COPA: variants seen among roughly 807,000 people sequenced by gnomAD.
COPA encodes coatomer subunit alpha.
Under a neutral mutation model 158.7 loss-of-function variants are expected in COPA, and 10 were observed. The ratio of observed to expected loss-of-function variants is 0.06; its 90% CI spans 0.04 to 0.11. COPA has a LOEUF of 0.11. COPA is among the 10% of genes least tolerant of loss of function. COPA has a pLI of 1.00. For synonymous variants in COPA, 462 were observed against 542.8 expected (o/e 0.85, Z 2.07); for missense variants, 1,065 against 1,536.7 (o/e 0.69, Z 5.13).
At chr1:160,298,463 C>T (rs1046276345) in intron 19 of COPA, among the ~76,000 whole-genome samples, 38 of 152,300 alleles carry the variant, frequency 2.5e-4, no homozygotes, top group East Asian at 5.8e-4. Flanking sequence ...AAGCTCTTTT[C>T]GCCTTAGAAA....
At chr1:160,291,562 T>G (rs934791522) in intron 30 of COPA, 66 bp from the exon 31 acceptor site, 9 of 1,547,218 alleles carry the variant, frequency 5.8e-6, no homozygotes, top group Non-Finnish European at 7.9e-6. Context: ...ATTTCTAAGC[T>G]GCTACACATG....
At chr1:160,297,176 C>T (rs1658443193) in intron 21 of COPA, among the ~76,000 whole-genome samples, 167 bp downstream of exon 21, 1 of 152,146 alleles carries the variant, frequency 6.6e-6, no homozygotes, top group African/African-American at 2.4e-5. Flanking sequence ...GCTGCACCTC[C>T]CTTTGGCTTT....
intron 8 of COPA, among the ~76,000 whole-genome samples, chr1:160,322,719 G>A (rs970053551): frequency 6.6e-6 from 1 of 152,100 alleles, no homozygotes. Context: ...GGAGAAAGGG[G>A]AACCCTCCTG....
chr1:160,295,522 C>T lies in COPA; in HGVS notation c.2476+214G>A, dbSNP rs1285080059. Among the ~76,000 whole-genome samples, 5 of 152,070 alleles carry T rather than the reference C, an allele frequency of 3.3e-5. No homozygotes were observed. The East Asian group carries it at 9.6e-4, about 29-fold the overall frequency. On this transcript the variant is annotated intron_variant, in intron 23 of 32. Coordinates refer to ENST00000241704, the MANE Select transcript of COPA (RefSeq NM_004371.4). Reference sequence around the variant, plus strand: ...AGTTATTGATGGTAGTAGAGGGATCCCTTTTTTTCTCCCTATTTTCCAAAT... The same window carrying T: ...AGTTATTGATGGTAGTAGAGGGATCTCTTTTTTTCTCCCTATTTTCCAAAT...
chr1:160,329,026 T>C (rs74125592), intron 6 of COPA, among the ~76,000 whole-genome samples: 5,013 of 152,294 alleles, frequency 0.033, 269 homozygotes, highest in African/African-American at 0.11. Context: ...TTCAGAAATA[T>C]AAGCACTGGT....
intron 7 of COPA, 118 bp downstream of exon 7, chr1:160,325,425 C>A (rs1659459067): frequency 8.3e-6 from 7 of 847,678 alleles, no homozygotes; most frequent in Non-Finnish European, 1.4e-5. Flanking sequence ...TCAAACAGTG[C>A]CTGGCACTTA....
intron 12 of COPA, 92 bp from the exon 13 acceptor site, chr1:160,309,268 G>T: frequency 2.2e-6 from 2 of 904,636 alleles, no homozygotes; most frequent in Admixed American, 1.9e-5. Context: ...CAGTTCCATT[G>T]CACAGACACC....
intron 8 of COPA, among the ~76,000 whole-genome samples, chr1:160,316,823 A>G (rs1659158804): frequency 6.6e-6 from 1 of 152,192 alleles, no homozygotes; most frequent in Admixed American, 6.5e-5. Flanking sequence ...GCTTATTCAA[A>G]GAAATAATTA....
At chr1:160,299,496 T>G (rs1043338639) in intron 17 of COPA, among the ~76,000 whole-genome samples, 1 of 152,176 alleles carries the variant, frequency 6.6e-6, no homozygotes, top group Non-Finnish European at 1.5e-5. Flanking sequence ...GTAACAGATG[T>G]GGCTATAGGA....
intron 21 of COPA, among the ~76,000 whole-genome samples, chr1:160,296,431 C>T (rs1258260297): frequency 6.6e-6 from 1 of 152,198 alleles, no homozygotes; most frequent in African/African-American, 2.4e-5. Context: ...AACTAGCTAC[C>T]ACGTTACAAA....
chr1:160,294,783 G>C lies in COPA; in HGVS notation c.2551C>G (p.Leu851Val). ...GCACTTTTACCTTCATCCAACTGCA[G>C]CTCTGCATCCTCTCCCCAGCCCTCT... ...GTEGWGEDAELQLDEDGFVEA... is the reference protein window; with the variant it reads ...GTEGWGEDAEVQLDEDGFVEA... The change falls in exon 24 of 33, where the codon CTG becomes GTG. Residue 851 changes from leucine to valine, a missense_variant. Physicochemically the swap from Leu to Val is conservative, Grantham distance 32. Transcript: ENST00000241704. 1 of 1,614,138 alleles carries C rather than the reference G, an allele frequency of 6.2e-7. No homozygotes were observed. Among genetic ancestry groups the C allele is most frequent in the African/African-American group, 1.3e-5 (1 of 75,038 alleles).
In COPA at chr1:160,294,796, T is replaced by C. The variant is rs1382755601; in HGVS notation, c.2538A>G (p.Gly846=). The C allele has an allele frequency of 1.9e-6, 3 of 1,613,926 alleles. No individual in the cohort carries two copies. Among genetic ancestry groups the C allele is most frequent in the African/African-American group, 2.7e-5 (2 of 74,878 alleles). Residue 846 remains glycine, a synonymous_variant, in exon 24 of 33, where the codon GGA becomes GGG. Transcript: ENST00000241704. ...CATCCAACTGCAGCTCTGCATCCTC[T>C]CCCCAGCCCTCTGTACCAACAGTGT... The part of the protein sequence containing the change: ...DIDTVGTEGW[G]EDAELQLDED...
At chr1:160,327,553 C>T (rs962612997) in intron 6 of COPA, among the ~76,000 whole-genome samples, 11 of 147,874 alleles carry the variant, frequency 7.4e-5, no homozygotes, top group African/African-American at 2.5e-4. Context: ...AACGAAACTC[C>T]GTCTCAAATT....
intron 8 of COPA, among the ~76,000 whole-genome samples, chr1:160,318,468 TAAAAAAAAAAAAAA>T (rs71090307): frequency 6.4e-5 from 1 of 15,676 alleles, no homozygotes; most frequent in Non-Finnish European, 1.3e-4. Flanking sequence ...ACAATATTTG[TAAAAAAAAAAAAAA>T]AAAAAAAAAC....
At chr1:160,305,973 C>T in intron 15 of COPA, 200 bp from the exon 16 acceptor site, 1 of 600,826 alleles carries the variant, frequency 1.7e-6, no homozygotes, top group Non-Finnish European at 2.9e-6. Context: ...CTTACCCCTT[C>T]CTCAACCCCC....
At chr1:160,296,451 A>T (rs1658415304) in intron 21 of COPA, among the ~76,000 whole-genome samples, 1 of 152,202 alleles carries the variant, frequency 6.6e-6, no homozygotes, top group African/African-American at 2.4e-5. Flanking sequence ...ACTCCTATGG[A>T]GAGGTCAACA....
intron 17 of COPA, among the ~76,000 whole-genome samples, chr1:160,304,198 G>A (rs1658706135): frequency 1.3e-5 from 2 of 150,630 alleles, no homozygotes; most frequent in South Asian, 4.2e-4. Context: ...TTATTTTTAG[G>A]AGAGAGGGTT....
intron 10 of COPA, among the ~76,000 whole-genome samples, chr1:160,312,639 T>C (rs769129863): frequency 1.7e-4 from 26 of 152,210 alleles, no homozygotes; most frequent in African/African-American, 3.1e-4. Flanking sequence ...AACCATGGCA[T>C]AGAAGGCAAT....
At chr1:160,300,892 G>A (rs1658577831) in intron 17 of COPA, among the ~76,000 whole-genome samples, 1 of 152,176 alleles carries the variant, frequency 6.6e-6, no homozygotes, top group African/African-American at 2.4e-5. Context: ...GCTGAGGCAG[G>A]CGGATCACCT....
Sources: gnomAD v4.1 joint callset for allele counts (sites outside exome capture counted in the v4.1 genomes callset) on GRCh38, gnomAD v4.1.1 for gene constraint, MANE v1.5 for transcripts, NCBI Gene and HGNC (gene_info 2026-07-23, HGNC 2026-07-21) for gene names.